Variants in RARB observed in about 807,000 individuals in gnomAD.
RARB encodes HBV-activated protein.
A neutral mutation model predicts 51.9 loss-of-function variants in RARB; 17 were observed. The ratio of observed to expected loss-of-function variants is 0.33; its 90% CI spans 0.22 to 0.49. The LOEUF is 0.49. Among genes scored for constraint, RARB ranks in the 20% least tolerant of loss-of-function variants. RARB has a pLI of 0.99. For missense variants in RARB, 369 were observed against 550.8 expected (o/e 0.67, Z 3.30); for synonymous variants, 215 against 195.4 (o/e 1.10, Z -0.84).
intron 3 of RARB, among the ~76,000 whole-genome samples, chr3:25,077,722 G>T (rs1009636579): frequency 6.6e-6 from 1 of 152,078 alleles, no homozygotes; most frequent in Non-Finnish European, 1.5e-5. Flanking sequence ...GTGTGTGTAT[G>T]TGTGTATGTA....
chr3:24,881,118 T>C (rs1703151005), intron 2 of RARB, among the ~76,000 whole-genome samples: 1 of 152,198 alleles, frequency 6.6e-6, no homozygotes, highest in African/African-American at 2.4e-5. Context: ...TGTTTGGCAG[T>C]TCCTCCTTTG....
At chr3:25,424,120 G>A (rs1053573840), upstream of RARB, among the ~76,000 whole-genome samples, 3 of 152,202 alleles carry the variant, frequency 2.0e-5, no homozygotes, top group Non-Finnish European at 4.4e-5. Flanking sequence ...GAAGAGAAAA[G>A]AGCCAAATGA....
chr3:25,362,335 C>T (rs996544885), intron 5 of RARB, among the ~76,000 whole-genome samples: 1 of 152,174 alleles, frequency 6.6e-6, no homozygotes, highest in Non-Finnish European at 1.5e-5. Flanking sequence ...GGACGCCCCT[C>T]CCCCGACCAA....
intron 5 of RARB, among the ~76,000 whole-genome samples, chr3:25,581,983 G>A (rs1299902945): frequency 2.0e-5 from 3 of 152,254 alleles, no homozygotes; most frequent in East Asian, 1.9e-4. Context: ...GTCACAGATG[G>A]GGGTGGTGCA....
At chr3:25,122,203 C>A (rs891377643) in intron 3 of RARB, among the ~76,000 whole-genome samples, 2 of 151,994 alleles carry the variant, frequency 1.3e-5, no homozygotes, top group African/African-American at 4.8e-5. Context: ...TTTGAAAAAG[C>A]AAGTATTTTG....
At chr3:25,358,330 T>G (rs763901082) in intron 5 of RARB, among the ~76,000 whole-genome samples, 23 of 152,226 alleles carry the variant, frequency 1.5e-4, no homozygotes, top group Admixed American at 2.6e-4. Flanking sequence ...ACATTGAATT[T>G]GTATCCTAAG....
At chr3:25,064,838 A>G (rs1472209167) in intron 3 of RARB, among the ~76,000 whole-genome samples, 2 of 152,160 alleles carry the variant, frequency 1.3e-5, no homozygotes, top group Non-Finnish European at 2.9e-5. Flanking sequence ...TTACTCATTG[A>G]TGCTGTTAGA....
chr3:24,947,749 G>A (rs951831369), intron 2 of RARB, among the ~76,000 whole-genome samples: 1 of 152,164 alleles, frequency 6.6e-6, no homozygotes, highest in Admixed American at 6.5e-5. Context: ...ACTCAGGTAA[G>A]GATACCGAGA....
At chr3:25,171,932 C>T (rs918219994) in intron 4 of RARB, among the ~76,000 whole-genome samples, 4 of 149,666 alleles carry the variant, frequency 2.7e-5, no homozygotes, top group Non-Finnish European at 6.0e-5. Flanking sequence ...GCACCAAAAT[C>T]ATCTCTGAGA....
At chr3:25,534,080 G>A (rs1192668233) in intron 3 of RARB, among the ~76,000 whole-genome samples, 1 of 152,198 alleles carries the variant, frequency 6.6e-6, no homozygotes, top group East Asian at 1.9e-4. Context: ...GCTCAATGCA[G>A]CTCCAACTTC....
chr3:25,290,028 C>T (rs1575286993), intron 5 of RARB, among the ~76,000 whole-genome samples: 1 of 152,130 alleles, frequency 6.6e-6, no homozygotes, highest in South Asian at 2.1e-4. Context: ...ATCCCCCTCT[C>T]AGTCCTTGGG....
intron 5 of RARB, among the ~76,000 whole-genome samples, chr3:25,342,805 A>G (rs1705269989): frequency 6.6e-6 from 1 of 152,164 alleles, no homozygotes; most frequent in Non-Finnish European, 1.5e-5. Context: ...GGTAGGTAGC[A>G]CAGCTTGGCC....
chr3:25,454,975 G>C (rs549589966), intron 1 of RARB, among the ~76,000 whole-genome samples: 1 of 152,178 alleles, frequency 6.6e-6, no homozygotes, highest in East Asian at 1.9e-4. Flanking sequence ...AGAAAGCTTC[G>C]TCAGTGGGAA....
chr3:25,514,859 G>T (rs956016629), intron 3 of RARB, among the ~76,000 whole-genome samples: 6 of 152,194 alleles, frequency 3.9e-5, no homozygotes, highest in Non-Finnish European at 8.8e-5. Context: ...ATAAGTGAAG[G>T]AGTCCCACTT....
chr3:25,416,268 A>C (rs1440302780), intron 5 of RARB, among the ~76,000 whole-genome samples: 2 of 152,216 alleles, frequency 1.3e-5, no homozygotes, highest in Non-Finnish European at 2.9e-5. Flanking sequence ...ACATGCCTGT[A>C]GTCCCAGCTA....
chr3:25,505,191 A>G (rs1228590484), intron 3 of RARB, among the ~76,000 whole-genome samples: 1 of 152,212 alleles, frequency 6.6e-6, no homozygotes, highest in African/African-American at 2.4e-5. Flanking sequence ...CAGATGTGGA[A>G]GCTGAGACAC....
intron 3 of RARB, among the ~76,000 whole-genome samples, chr3:25,078,755 T>A (rs1319687878): frequency 6.6e-6 from 1 of 152,168 alleles, no homozygotes; most frequent in African/African-American, 2.4e-5. Context: ...GGTCTCGAAC[T>A]CCCGACCTCA....
intron 3 of RARB, among the ~76,000 whole-genome samples, chr3:25,082,645 T>C (rs1331476991): frequency 6.6e-6 from 1 of 152,108 alleles, no homozygotes. Flanking sequence ...TTATTATTCT[T>C]GCTTTAAGCG....
At chr3:25,069,419 G>A (rs536529712) in intron 3 of RARB, among the ~76,000 whole-genome samples, 7 of 152,138 alleles carry the variant, frequency 4.6e-5, no homozygotes, top group Non-Finnish European at 7.4e-5. Flanking sequence ...TTGACATTTT[G>A]TTGAATTAAC....
Sources: gnomAD v4.1 joint callset for allele counts (sites outside exome capture counted in the v4.1 genomes callset) on GRCh38, gnomAD v4.1.1 for gene constraint, MANE v1.5 for transcripts, NCBI Gene and HGNC (gene_info 2026-07-23, HGNC 2026-07-21) for gene names.